PLXDC2: variants seen among roughly 807,000 people sequenced by gnomAD.
PLXDC2 encodes plexin domain containing 2.
In PLXDC2, 40 loss-of-function variants were observed where a neutral mutation model predicts 68.9. The ratio of observed to expected loss-of-function variants is 0.58; its 90% CI spans 0.45 to 0.76. The LOEUF is 0.76. Among genes scored for constraint, PLXDC2 ranks in the 30% least tolerant of loss-of-function variants. PLXDC2 has a pLI of 0.00. For synonymous variants in PLXDC2, 243 were observed against 234.2 expected, an observed-to-expected ratio of 1.04 and a Z score of -0.34; for missense variants, 644 against 661.9, an observed-to-expected ratio of 0.97 and a Z score of 0.30.
intron 10 of PLXDC2, among the ~76,000 whole-genome samples, chr10:20,214,991 T>C (rs146192725): frequency 6.6e-6 from 1 of 152,186 alleles, no homozygotes; most frequent in African/African-American, 2.4e-5. Context: ...ACTGGAAATA[T>C]AGATTTATGA....
chr10:19,974,004 T>G (rs1022729116), intron 1 of PLXDC2, among the ~76,000 whole-genome samples: 1 of 152,218 alleles, frequency 6.6e-6, no homozygotes, highest in Admixed American at 6.5e-5. Flanking sequence ...ATTACTTTGA[T>G]TACGCTAAAA....
intron 4 of PLXDC2, among the ~76,000 whole-genome samples, chr10:20,072,357 C>G (rs149216377): frequency 4.0e-3 from 492 of 122,170 alleles, no homozygotes; most frequent in Non-Finnish European, 5.9e-3. Context: ...GCAACAAGAG[C>G]AAAACTCTAT....
Position 20,044,391 on chromosome 10 carries a change from A to G in PLXDC2, c.325-2478A>G, listed in dbSNP as rs371335363. 5.3e-5 allele frequency among the ~76,000 whole-genome samples: 8 copies of G among 149,928 alleles called. No individual in the cohort carries two copies. The East Asian group carries it at 1.6e-3, about 30-fold the overall frequency. On this transcript the variant is annotated intron_variant, in intron 2 of 13. Coordinates refer to ENST00000377252, the MANE Select transcript of PLXDC2 (RefSeq NM_032812.9). Reference sequence around the variant, plus strand: ...AACAGCACGATCTAGGCTCACTGCAAACTCCGCCTCCCAAGTTCAAGCAGT... The same window carrying G: ...AACAGCACGATCTAGGCTCACTGCAGACTCCGCCTCCCAAGTTCAAGCAGT...
intron 12 of PLXDC2, among the ~76,000 whole-genome samples, chr10:20,235,128 T>C (rs1199172138): frequency 2.0e-5 from 3 of 152,202 alleles, no homozygotes; most frequent in Non-Finnish European, 2.9e-5. Context: ...TGGGACAACA[T>C]GGTTCCCTTC....
At chr10:20,004,420 G>T (rs1589580777) in intron 2 of PLXDC2, among the ~76,000 whole-genome samples, 1 of 152,128 alleles carries the variant, frequency 6.6e-6, no homozygotes. Flanking sequence ...GCAACTTGGG[G>T]TAGGCAACAT....
intron 13 of PLXDC2, among the ~76,000 whole-genome samples, chr10:20,270,888 G>A (rs1168898456): frequency 6.6e-6 from 1 of 151,444 alleles, no homozygotes; most frequent in African/African-American, 2.4e-5. Context: ...GAAAGTGACA[G>A]GATGGATTTT....
chr10:20,028,420 G>A (rs1413157910), intron 2 of PLXDC2, among the ~76,000 whole-genome samples: 2 of 152,150 alleles, frequency 1.3e-5, no homozygotes, highest in African/African-American at 4.8e-5. Flanking sequence ...GAATATGAGA[G>A]GGAGGCCTCT....
intron 1 of PLXDC2, among the ~76,000 whole-genome samples, 170 bp downstream of exon 1, chr10:19,817,361 C>T (rs1836372855): frequency 6.6e-6 from 1 of 152,162 alleles, no homozygotes; most frequent in South Asian, 2.1e-4. Flanking sequence ...AGAGGGTTAT[C>T]AAGAGAAGGA....
chr10:20,090,169 T>G (rs1833257784), intron 4 of PLXDC2, among the ~76,000 whole-genome samples: 1 of 152,222 alleles, frequency 6.6e-6, no homozygotes, highest in African/African-American at 2.4e-5. Context: ...CATATGTCTA[T>G]CTTATGCCAT....
chr10:19,921,356 T>C (rs958103437), intron 1 of PLXDC2, among the ~76,000 whole-genome samples: 7 of 152,168 alleles, frequency 4.6e-5, no homozygotes, highest in African/African-American at 1.4e-4. Flanking sequence ...AGAGGATATA[T>C]GATTTTGTAG....
chr10:20,149,174 C>T (rs1437196245), intron 6 of PLXDC2, among the ~76,000 whole-genome samples: 1 of 150,680 alleles, frequency 6.6e-6, no homozygotes, highest in African/African-American at 2.4e-5. Flanking sequence ...TATTTTCTCG[C>T]CCAGGTACTA....
chr10:19,822,328 A>G (rs568724814), intron 1 of PLXDC2, among the ~76,000 whole-genome samples: 1 of 151,076 alleles, frequency 6.6e-6, no homozygotes, highest in South Asian at 2.1e-4. Flanking sequence ...TGGAATGTAT[A>G]TGCACTACAT....
chr10:19,856,969 T>A (rs904298325), intron 1 of PLXDC2, among the ~76,000 whole-genome samples: 2 of 152,174 alleles, frequency 1.3e-5, no homozygotes, highest in African/African-American at 2.4e-5. Flanking sequence ...CAAACTGAGT[T>A]TCTGCTGTGG....
intron 6 of PLXDC2, among the ~76,000 whole-genome samples, chr10:20,153,995 C>T (rs181782426): frequency 6.6e-6 from 1 of 152,068 alleles, no homozygotes; most frequent in Admixed American, 6.6e-5. Flanking sequence ...TTTGCCTATC[C>T]ACAGCATTTA....
chr10:19,828,545 A>T (rs1249633390), intron 1 of PLXDC2, among the ~76,000 whole-genome samples: 1 of 152,020 alleles, frequency 6.6e-6, no homozygotes, highest in African/African-American at 2.4e-5. Context: ...AGCTTGTTTT[A>T]TTTCTTGGTT....
intron 12 of PLXDC2, among the ~76,000 whole-genome samples, chr10:20,242,203 C>T (rs955263702): frequency 1.3e-5 from 2 of 151,928 alleles, no homozygotes; most frequent in Admixed American, 6.6e-5. Context: ...CCACAAGATG[C>T]GATAATATAA....
intron 4 of PLXDC2, among the ~76,000 whole-genome samples, chr10:20,085,564 A>G (rs1328465323): frequency 6.6e-6 from 1 of 152,180 alleles, no homozygotes; most frequent in African/African-American, 2.4e-5. Flanking sequence ...AATGTTTCAA[A>G]TTTCAAACTG....
intron 3 of PLXDC2, among the ~76,000 whole-genome samples, chr10:20,059,652 G>A (rs1836063763): frequency 6.6e-6 from 1 of 152,104 alleles, no homozygotes; most frequent in African/African-American, 2.4e-5. Flanking sequence ...TTGTATATTT[G>A]TGTATTGATC....
chr10:19,952,814 T>A (rs1393967560), intron 1 of PLXDC2, among the ~76,000 whole-genome samples: 1 of 152,234 alleles, frequency 6.6e-6, no homozygotes, highest in East Asian at 1.9e-4. Context: ...TAAGACTTAG[T>A]CATGAGGGGC....
Sources: gnomAD v4.1 joint callset for allele counts (sites outside exome capture counted in the v4.1 genomes callset) on GRCh38, gnomAD v4.1.1 for gene constraint, MANE v1.5 for transcripts, NCBI Gene and HGNC (gene_info 2026-07-23, HGNC 2026-07-21) for gene names.